SRD5A2: variants seen among roughly 807,000 people sequenced by gnomAD.
The protein encoded by SRD5A2 is 3-oxo-5-alpha-steroid 4-dehydrogenase 2.
In SRD5A2, 30 loss-of-function variants were observed where a neutral mutation model predicts 27.4. That is an observed-to-expected ratio of 1.10 (90% CI 0.82 to 1.49). The LOEUF (loss-of-function observed/expected upper bound fraction) is 1.49, where lower values mean the gene tolerates loss of function less well. Among genes scored for constraint, SRD5A2 ranks in the 40% most tolerant of loss-of-function variants. SRD5A2 has a pLI of 0.00. For missense variants in SRD5A2, 348 were observed against 323.4 expected (o/e 1.08, Z -0.58); for synonymous variants, 141 against 133.6 (o/e 1.06, Z -0.38).
the SRD5A2 span, among the ~76,000 whole-genome samples, chr2:31,588,114 G>A: frequency 6.6e-6 from 1 of 152,062 alleles, no homozygotes; most frequent in Non-Finnish European, 1.5e-5. Flanking sequence ...ATGCCTACAG[G>A]ATCTAGAAAA....
chr2:31,638,726 A>C, the SRD5A2 span, among the ~76,000 whole-genome samples: 1 of 151,324 alleles, frequency 6.6e-6, no homozygotes, highest in African/African-American at 2.4e-5. Flanking sequence ...TTTCATCTAC[A>C]TATAGCTATT....
At chr2:31,550,599 T>C (rs1262621277) in intron 1 of SRD5A2, among the ~76,000 whole-genome samples, 1 of 151,918 alleles carries the variant, frequency 6.6e-6, no homozygotes, top group Non-Finnish European at 1.5e-5. Context: ...TAAAAATCAA[T>C]TGATGTAACC....
intron 4 of SRD5A2, 106 bp downstream of exon 4, chr2:31,529,200 TA>T: frequency 1.4e-6 from 2 of 1,463,880 alleles, no homozygotes; most frequent in South Asian, 1.3e-5. Flanking sequence ...AACCTTCCCT[TA>T]AAAAATTAAA....
rs1362171517 is a variant in SRD5A2 at position 31,526,092 on chromosome 2, A to G, written c.*104T>C. On this transcript the variant is annotated 3_prime_UTR_variant, in exon 5 of 5. Coordinates refer to ENST00000622030, the MANE Select transcript of SRD5A2 (RefSeq NM_000348.4). ...CTGGCAGAACGCCAGGAGACCTACT[A>G]TTACATATATACGGGACTATTATAT... is the stretch of plus-strand genomic sequence containing the variant. 3 of 648,992 alleles carry G rather than the reference A, an allele frequency of 4.6e-6. No homozygotes were observed. Among genetic ancestry groups the G allele is most frequent in the African/African-American group, 4.8e-5 (2 of 41,250 alleles). The allele number at this position is 648,992 out of a possible 1,614,324, so 40.2% of individuals were successfully genotyped here. A position where few individuals can be genotyped will look rare whatever the true frequency, so the allele number is the denominator to read the frequency against.
At chr2:31,581,628 G>A (rs2148107958), upstream of SRD5A2, among the ~76,000 whole-genome samples, 1 of 152,266 alleles carries the variant, frequency 6.6e-6, no homozygotes, top group East Asian at 1.9e-4. Context: ...GGTCAGAGAG[G>A]AGCGTCCGCT....
chr2:31,643,842 T>C, the SRD5A2 span, among the ~76,000 whole-genome samples: 1 of 152,178 alleles, frequency 6.6e-6, no homozygotes, highest in Non-Finnish European at 1.5e-5. Flanking sequence ...AATACATATA[T>C]CAACAGTCAA....
the SRD5A2 span, among the ~76,000 whole-genome samples, chr2:31,611,983 T>C: frequency 6.6e-6 from 1 of 152,032 alleles, no homozygotes; most frequent in Middle Eastern, 3.2e-3. Context: ...ACAGTATATA[T>C]TAAGGATAAA....
Position 31,525,915 on chromosome 2 carries a change from G to A in SRD5A2, c.*281C>T. 1 of 349,738 alleles carries A rather than the reference G, an allele frequency of 2.9e-6. No individual in the cohort carries two copies. The highest frequency in any genetic ancestry group is 5.2e-6 in the Non-Finnish European group (1 of 191,086). 21.7% of individuals were successfully genotyped at this position (349,738 alleles called of 1,614,324 possible). ...GGATTGCCCGGTGAAAGACATAGGA[G>A]AAGTTTGTACTTTCTCAGAGCAATA... On this transcript the variant is annotated 3_prime_UTR_variant, in exon 5 of 5. Coordinates refer to ENST00000622030, the MANE Select transcript of SRD5A2 (RefSeq NM_000348.4).
chr2:31,585,768 C>T (rs1382222674), upstream of SRD5A2, among the ~76,000 whole-genome samples: 3 of 152,140 alleles, frequency 2.0e-5, no homozygotes, highest in Admixed American at 2.0e-4. Flanking sequence ...CCCTTGATTC[C>T]AAGAGTTGAC....
the SRD5A2 span, among the ~76,000 whole-genome samples, chr2:31,590,850 A>G: frequency 6.6e-6 from 1 of 152,204 alleles, no homozygotes; most frequent in Non-Finnish European, 1.5e-5. Flanking sequence ...TATTTAATAA[A>G]TGGTGCTGGT....
the SRD5A2 span, among the ~76,000 whole-genome samples, chr2:31,589,749 G>A: frequency 6.6e-6 from 1 of 152,068 alleles, no homozygotes; most frequent in Non-Finnish European, 1.5e-5. Context: ...GAAACGGGGT[G>A]GGGGGCAAAT....
At chr2:31,537,108 A>T (rs553555915) in intron 1 of SRD5A2, among the ~76,000 whole-genome samples, 1 of 152,362 alleles carries the variant, frequency 6.6e-6, no homozygotes, top group African/African-American at 2.4e-5. Context: ...TTCTTCAAAT[A>T]TAAATGCTAT....
At chr2:31,595,144 C>T in the SRD5A2 span, among the ~76,000 whole-genome samples, 1 of 151,950 alleles carries the variant, frequency 6.6e-6, no homozygotes, top group Non-Finnish European at 1.5e-5. Flanking sequence ...GCTCACACCT[C>T]AAAAAGCTAC....
chr2:31,592,386 C>T, the SRD5A2 span, among the ~76,000 whole-genome samples: 10 of 152,288 alleles, frequency 6.6e-5, 1 homozygote, highest in East Asian at 1.9e-3. Context: ...CTAGCATAAC[C>T]AGCATTTGAG....
intron 1 of SRD5A2, among the ~76,000 whole-genome samples, chr2:31,575,577 C>T (rs564497357): frequency 3.9e-5 from 6 of 152,250 alleles, no homozygotes; most frequent in Non-Finnish European, 7.4e-5. Context: ...GGAGAAATTC[C>T]GCTGGGGAAT....
chr2:31,631,672 G>A, the SRD5A2 span, among the ~76,000 whole-genome samples: 13 of 152,296 alleles, frequency 8.5e-5, no homozygotes, highest in East Asian at 2.5e-3. Flanking sequence ...GACATGGAGA[G>A]ATATAATGTT....
At chr2:31,641,518 G>A in the SRD5A2 span, among the ~76,000 whole-genome samples, 3 of 152,056 alleles carry the variant, frequency 2.0e-5, no homozygotes, top group Non-Finnish European at 4.4e-5. Flanking sequence ...TGTTATACAA[G>A]ACATAAACTT....
chr2:31,551,757 A>G (rs539799111), intron 1 of SRD5A2, among the ~76,000 whole-genome samples: 8 of 151,576 alleles, frequency 5.3e-5, no homozygotes, highest in South Asian at 2.1e-4. Flanking sequence ...AAATAATTGG[A>G]AAAAAAAAGT....
At chr2:31,532,744 C>T (rs537962088) in intron 2 of SRD5A2, among the ~76,000 whole-genome samples, 5 of 152,188 alleles carry the variant, frequency 3.3e-5, no homozygotes, top group African/African-American at 1.2e-4. Flanking sequence ...TTCCACCTTG[C>T]CTAGTCAAAA....
Sources: allele counts gnomAD v4.1 joint callset (sites outside exome capture counted in the v4.1 genomes callset), GRCh38; gene constraint gnomAD v4.1.1; transcripts MANE v1.5; gene names NCBI Gene and HGNC (gene_info 2026-07-23, HGNC 2026-07-21).